The following GALNTL6 variants were observed in gnomAD, a reference collection of about 807,000 sequenced individuals.
The protein encoded by GALNTL6 is polypeptide N-acetylgalactosaminyltransferase-like 6.
Under a neutral mutation model 73.7 loss-of-function variants are expected in GALNTL6, and 46 were observed. The ratio of observed to expected loss-of-function variants is 0.62; its 90% CI spans 0.49 to 0.80. GALNTL6 has a LOEUF of 0.80. GALNTL6 is among the 30% of genes least tolerant of loss of function. GALNTL6 has a pLI of 0.00. For missense variants in GALNTL6, 604 were observed against 755.0 expected (o/e 0.80, Z 2.34); for synonymous variants, 259 against 263.7 (o/e 0.98, Z 0.17).
chr4:172,327,113 T>A (rs546680900), intron 4 of GALNTL6, among the ~76,000 whole-genome samples: 12 of 152,210 alleles, frequency 7.9e-5, no homozygotes, highest in African/African-American at 2.6e-4. Context: ...CTTTAATAAC[T>A]AACAACATAA....
At position 172,138,509 on chromosome 4, in the gene GALNTL6, A is replaced by T. The variant is rs1383858227; in HGVS notation, c.139-91147A>T. Among the ~76,000 whole-genome samples the T allele has an allele frequency of 4.8e-3, 49 of 10,172 alleles. 1 individual carries two copies. The highest frequency in any genetic ancestry group is 0.02 in the East Asian group (12 of 592). 6.7% of individuals were successfully genotyped at this position (10,172 alleles called of 152,430 possible). A position where few individuals can be genotyped will look rare whatever the true frequency, so the allele number is the denominator to read the frequency against. ...TATATATATATATATATATATATAT[A>T]TATATTTTTTTTTTTTTTTTTTTTT... On this transcript the variant is annotated intron_variant, in intron 2 of 12. Transcript: ENST00000506823.
intron 2 of GALNTL6, among the ~76,000 whole-genome samples, chr4:172,176,065 C>T (rs10014410): frequency 0.42 from 63,649 of 151,684 alleles, 13,809 homozygotes; most frequent in African/African-American, 0.52. Flanking sequence ...TCAGGCTGGG[C>T]GCGGTGGCTC....
At chr4:172,974,074 A>G (rs1383952713) in intron 10 of GALNTL6, among the ~76,000 whole-genome samples, 1 of 152,224 alleles carries the variant, frequency 6.6e-6, no homozygotes, top group East Asian at 1.9e-4. Context: ...CTTTTTGGTG[A>G]TATTGTAGGT....
chr4:172,019,542 T>G (rs903552222), intron 2 of GALNTL6, among the ~76,000 whole-genome samples: 1 of 152,002 alleles, frequency 6.6e-6, no homozygotes, highest in African/African-American at 2.4e-5. Context: ...CAAAATATAT[T>G]TCAGGACAAA....
chr4:172,236,314 C>T (rs1271363499), intron 3 of GALNTL6, among the ~76,000 whole-genome samples: 1 of 152,080 alleles, frequency 6.6e-6, no homozygotes, highest in Admixed American at 6.6e-5. Flanking sequence ...CATCCCAGCA[C>T]TTTGGAATGC....
chr4:171,990,896 T>C (rs1740313203), intron 2 of GALNTL6, among the ~76,000 whole-genome samples: 1 of 152,222 alleles, frequency 6.6e-6, no homozygotes, highest in East Asian at 1.9e-4. Flanking sequence ...TTAAATGGTG[T>C]CTGTTCAACA....
intron 5 of GALNTL6, among the ~76,000 whole-genome samples, chr4:172,672,865 T>C (rs537658450): frequency 2.0e-5 from 3 of 152,270 alleles, no homozygotes; most frequent in African/African-American, 7.2e-5. Context: ...GGGTCATTGG[T>C]AATATCCGCC....
intron 2 of GALNTL6, among the ~76,000 whole-genome samples, chr4:172,201,365 C>A (rs1306862775): frequency 6.6e-6 from 1 of 151,214 alleles, no homozygotes; most frequent in Non-Finnish European, 1.5e-5. Context: ...CGCCACCACG[C>A]CTGGCTAATT....
At chr4:172,657,696 C>T (rs1731112776) in intron 5 of GALNTL6, among the ~76,000 whole-genome samples, 1 of 152,138 alleles carries the variant, frequency 6.6e-6, no homozygotes, top group Non-Finnish European at 1.5e-5. Flanking sequence ...TGTAACTCTA[C>T]AAAAGTAGTC....
intron 2 of GALNTL6, among the ~76,000 whole-genome samples, chr4:171,983,971 G>T (rs1739991257): frequency 6.6e-6 from 1 of 152,192 alleles, no homozygotes; most frequent in South Asian, 2.1e-4. Context: ...CATACTGGGA[G>T]GGTTGGACAT....
intron 5 of GALNTL6, among the ~76,000 whole-genome samples, chr4:172,529,247 G>T (rs906340926): frequency 2.0e-5 from 3 of 151,570 alleles, no homozygotes; most frequent in Non-Finnish European, 4.4e-5. Context: ...CTTGCAAATT[G>T]AAAGATTTTT....
intron 5 of GALNTL6, among the ~76,000 whole-genome samples, chr4:172,518,642 A>G (rs1734684208): frequency 6.6e-6 from 1 of 151,944 alleles, no homozygotes; most frequent in South Asian, 2.1e-4. Flanking sequence ...ATAAAAATCA[A>G]TTTTCGAATT....
intron 2 of GALNTL6, among the ~76,000 whole-genome samples, chr4:171,969,125 G>A (rs1469343509): frequency 2.6e-5 from 4 of 152,176 alleles, no homozygotes; most frequent in East Asian, 1.9e-4. Context: ...ATGAGCCACC[G>A]CGCCTGGCCT....
At chr4:172,061,916 C>G (rs1360895451) in intron 2 of GALNTL6, among the ~76,000 whole-genome samples, 3 of 150,810 alleles carry the variant, frequency 2.0e-5, no homozygotes, top group Non-Finnish European at 4.4e-5. Context: ...CCACCCATTC[C>G]CTGCTTTTGA....
chr4:171,942,269 T>TAAATAAATAAAAAAAAAA (rs1423565851), intron 2 of GALNTL6, among the ~76,000 whole-genome samples: 2 of 144,148 alleles, frequency 1.4e-5, no homozygotes, highest in African/African-American at 5.1e-5. Context: ...TAAATAAATA[T>TAAATAAATAAAAAAAAAA]AATATACAGA....
intron 5 of GALNTL6, among the ~76,000 whole-genome samples, chr4:172,426,758 T>C (rs895252514): frequency 2.6e-5 from 4 of 152,158 alleles, no homozygotes; most frequent in Non-Finnish European, 5.9e-5. Flanking sequence ...ACATCCAGAC[T>C]GGATTTTCCT....
At chr4:172,615,625 A>G (rs942164575) in intron 5 of GALNTL6, among the ~76,000 whole-genome samples, 2 of 152,302 alleles carry the variant, frequency 1.3e-5, no homozygotes, top group East Asian at 3.9e-4. Flanking sequence ...AATTAGTTTT[A>G]TGATGTATGG....
chr4:172,240,621 C>T (rs1364569204), intron 3 of GALNTL6, among the ~76,000 whole-genome samples: 3 of 152,120 alleles, frequency 2.0e-5, no homozygotes, highest in Non-Finnish European at 2.9e-5. Flanking sequence ...AGAGTCTTTC[C>T]ACAGTTTGGT....
At chr4:172,127,341 G>A (rs548051186) in intron 2 of GALNTL6, among the ~76,000 whole-genome samples, 2 of 152,306 alleles carry the variant, frequency 1.3e-5, no homozygotes, top group South Asian at 4.1e-4. Context: ...ATTGCTACTG[G>A]GGCCCAAGGT....
Sources: allele counts gnomAD v4.1 joint callset (sites outside exome capture counted in the v4.1 genomes callset), GRCh38; gene constraint gnomAD v4.1.1; transcripts MANE v1.5; gene names NCBI Gene and HGNC (gene_info 2026-07-23, HGNC 2026-07-21).